The following SLC13A1 variants were observed in gnomAD, a reference collection of about 807,000 sequenced individuals.
SLC13A1 encodes solute carrier family 13 member 1.
Under a neutral mutation model 70.0 loss-of-function variants are expected in SLC13A1, and 65 were observed. The ratio of observed to expected loss-of-function variants is 0.93; its 90% CI spans 0.76 to 1.14. The LOEUF is 1.14. Ranked by LOEUF, SLC13A1 falls within the 50% of genes most tolerant of loss-of-function variation. The probability of loss-of-function intolerance (pLI) is 0.00; values close to 1 mark genes in which losing one functional copy is unlikely to be tolerated. For missense variants in SLC13A1, 726 were observed against 717.8 expected, an observed-to-expected ratio of 1.01 and a Z score of -0.13; for synonymous variants, 275 against 250.5, an observed-to-expected ratio of 1.10 and a Z score of -0.92.
At chr7:123,176,643 G>C (rs1381189080) in intron 2 of SLC13A1, among the ~76,000 whole-genome samples, 1 of 152,110 alleles carries the variant, frequency 6.6e-6, no homozygotes, top group African/African-American at 2.4e-5. Context: ...TGCTTTGTTA[G>C]TTATTAGGTT....
chr7:123,149,723 G>A (rs993201073), intron 6 of SLC13A1: 10 of 426,928 alleles, frequency 2.3e-5, no homozygotes, highest in Non-Finnish European at 4.7e-5. Context: ...CAAGAAATTG[G>A]CACAGTTATC....
At chr7:123,161,021 C>T (rs1346203337) in intron 6 of SLC13A1, among the ~76,000 whole-genome samples, 1 of 151,408 alleles carries the variant, frequency 6.6e-6, no homozygotes, top group Non-Finnish European at 1.5e-5. Flanking sequence ...CATAAATACA[C>T]CAACAAAGTA....
chr7:123,135,705 G>T (rs981049696), intron 7 of SLC13A1, among the ~76,000 whole-genome samples: 1 of 151,852 alleles, frequency 6.6e-6, no homozygotes, highest in African/African-American at 2.4e-5. Flanking sequence ...ATAATAATGG[G>T]CCCTCAAAAC....
In SLC13A1 at chr7:123,123,245, A is replaced by C; in HGVS notation, c.1241-10T>G. ...GAGTAATCAAAAGCAACTGCAAAAC[A>C]AAAATCCTACAGTTACACATTGCTT... On this transcript the variant is annotated splice_polypyrimidine_tract_variant and intron_variant, in intron 11 of 14. Transcript: ENST00000194130. 2 of 1,545,796 alleles carry C rather than the reference A, an allele frequency of 1.3e-6. No homozygotes were observed. Among genetic ancestry groups the C allele is most frequent in the Non-Finnish European group, 1.8e-6 (2 of 1,118,206 alleles).
chr7:123,188,120 C>T (rs1418403248), intron 1 of SLC13A1, among the ~76,000 whole-genome samples: 1 of 152,170 alleles, frequency 6.6e-6, no homozygotes, highest in Non-Finnish European at 1.5e-5. Flanking sequence ...ATAATGGGCG[C>T]AGTTTCCCCC....
intron 12 of SLC13A1, among the ~76,000 whole-genome samples, chr7:123,119,522 T>C (rs1030301193): frequency 6.6e-6 from 1 of 152,038 alleles, no homozygotes; most frequent in African/African-American, 2.4e-5. Context: ...TATATGTGGA[T>C]ATTTTAATAG....
At chr7:123,177,666 C>T (rs1795493398) in intron 2 of SLC13A1, among the ~76,000 whole-genome samples, 1 of 152,102 alleles carries the variant, frequency 6.6e-6, no homozygotes, top group Non-Finnish European at 1.5e-5. Flanking sequence ...TAGTCATGCT[C>T]CAAATATTCA....
At chr7:123,154,936 A>C (rs562452212) in intron 6 of SLC13A1, among the ~76,000 whole-genome samples, 144 of 152,122 alleles carry the variant, frequency 9.5e-4, no homozygotes, top group Non-Finnish European at 1.8e-3. Context: ...GGTTGGAAAT[A>C]AATGTTACTT....
intron 6 of SLC13A1, among the ~76,000 whole-genome samples, chr7:123,149,212 A>G (rs1001770936): frequency 1.3e-5 from 2 of 152,108 alleles, no homozygotes; most frequent in Non-Finnish European, 2.9e-5. Flanking sequence ...AAATGATCCC[A>G]CATGACACTC....
chr7:123,169,627 G>T (rs577946327), intron 3 of SLC13A1, among the ~76,000 whole-genome samples: 1 of 149,440 alleles, frequency 6.7e-6, no homozygotes, highest in African/African-American at 2.5e-5. Context: ...ACTGCAAGTT[G>T]GTTATATGAC....
rs1793532923 is a variant in SLC13A1 at position 123,125,614 on chromosome 7, T to A, written c.1195A>T (p.Ile399Phe). The A allele has an allele frequency of 6.2e-7, 1 of 1,613,166 alleles. No homozygotes were observed. Among genetic ancestry groups the A allele is most frequent in the South Asian group, 1.1e-5 (1 of 91,024 alleles). ...ALLIGLLFFL[I>F]PAKTLTKTTP... is the part of the protein sequence containing the mutation. ...GTTTTAGTCAGTGTCTTAGCTGGGA[T>A]AAGAAAGAATAGCAGCCCTATAAGT... The change falls in exon 11 of 15, where the codon ATC (isoleucine) becomes TTC (phenylalanine). Residue 399 changes from isoleucine (I) to phenylalanine (F), a missense_variant. Coordinates refer to ENST00000194130, the MANE Select transcript of SLC13A1 (RefSeq NM_022444.4).
chr7:123,174,065 T>C (rs1052014697), intron 2 of SLC13A1, among the ~76,000 whole-genome samples: 1 of 149,966 alleles, frequency 6.7e-6, no homozygotes, highest in African/African-American at 2.4e-5. Context: ...TCCTCCAAAA[T>C]GCTGGTATTC....
chr7:123,137,803 G>A (rs1794002353), intron 7 of SLC13A1, among the ~76,000 whole-genome samples: 2 of 152,024 alleles, frequency 1.3e-5, no homozygotes, highest in African/African-American at 4.8e-5. Flanking sequence ...CATAGTTGGT[G>A]TATATATGTA....
At chr7:123,146,379 G>T (rs1370609937) in intron 7 of SLC13A1, among the ~76,000 whole-genome samples, 1 of 152,134 alleles carries the variant, frequency 6.6e-6, no homozygotes, top group Non-Finnish European at 1.5e-5. Context: ...ACAAAAATTA[G>T]CTGGGTATTA....
intron 10 of SLC13A1, among the ~76,000 whole-genome samples, 175 bp downstream of exon 10, chr7:123,128,670 A>C (rs2470980): frequency 1.1e-4 from 17 of 152,164 alleles, no homozygotes; most frequent in African/African-American, 3.6e-4. Flanking sequence ...CTGTGCTCTT[A>C]TCCTAGATTT....
intron 6 of SLC13A1, among the ~76,000 whole-genome samples, chr7:123,162,584 G>A (rs1794951142): frequency 6.6e-6 from 1 of 152,066 alleles, no homozygotes; most frequent in Non-Finnish European, 1.5e-5. Flanking sequence ...TAGGAAAATA[G>A]AAGAATAATG....
At chr7:123,142,831 C>A (rs1048156423) in intron 7 of SLC13A1, among the ~76,000 whole-genome samples, 1 of 151,840 alleles carries the variant, frequency 6.6e-6, no homozygotes, top group African/African-American at 2.4e-5. Flanking sequence ...GTTGGCCAGG[C>A]TGGTTTTGAG....
chr7:123,127,402 C>A (rs950096395), intron 10 of SLC13A1, among the ~76,000 whole-genome samples: 2 of 152,044 alleles, frequency 1.3e-5, no homozygotes, highest in Non-Finnish European at 2.9e-5. Flanking sequence ...TTAGCTATCT[C>A]TGATTTCATT....
At chr7:123,128,606 T>A (rs1331697044) in intron 10 of SLC13A1, among the ~76,000 whole-genome samples, 1 of 152,166 alleles carries the variant, frequency 6.6e-6, no homozygotes, top group Non-Finnish European at 1.5e-5. Flanking sequence ...GGGAATAATT[T>A]TGTCTAATGG....
Sources: gnomAD v4.1 joint callset for allele counts (sites outside exome capture counted in the v4.1 genomes callset) on GRCh38, gnomAD v4.1.1 for gene constraint, MANE v1.5 for transcripts, NCBI Gene and HGNC (gene_info 2026-07-23, HGNC 2026-07-21) for gene names.